GARIN1A: variants seen among roughly 807,000 people sequenced by gnomAD.
GARIN1A encodes the protein Golgi-associated RAB2 interactor protein 1A.
At chr7:128,697,215 C>G in the GARIN1A span, among the ~76,000 whole-genome samples, 1 of 152,178 alleles carries the variant, frequency 6.6e-6, no homozygotes, top group African/African-American at 2.4e-5. Flanking sequence ...ACAGGCGGCT[C>G]CTGCAGGGCA....
the GARIN1A span, among the ~76,000 whole-genome samples, chr7:128,696,711 ACTC>A: frequency 2.0e-5 from 3 of 152,106 alleles, no homozygotes; most frequent in Admixed American, 1.3e-4. Flanking sequence ...AGTGGGCAGA[ACTC>A]CACCACAGAA....
chr7:128,683,183 C>T, the GARIN1A span: 2 of 1,562,038 alleles, frequency 1.3e-6, no homozygotes, highest in Non-Finnish European at 1.7e-6. Context: ...CATGCTCTTC[C>T]TTGCATACGT....
At chr7:128,701,062 A>C in the GARIN1A span, among the ~76,000 whole-genome samples, 3 of 151,874 alleles carry the variant, frequency 2.0e-5, no homozygotes, top group Non-Finnish European at 4.4e-5. Flanking sequence ...CTTCACATGC[A>C]GCCAGTACCA....
the GARIN1A span, among the ~76,000 whole-genome samples, chr7:128,701,240 C>T: frequency 4.7e-5 from 7 of 148,392 alleles, no homozygotes; most frequent in East Asian, 1.2e-3. Context: ...AGTAAATGCT[C>T]GCTTCCACCA....
chr7:128,677,894 C>T, the GARIN1A span: 26 of 1,205,414 alleles, frequency 2.2e-5, no homozygotes, highest in Non-Finnish European at 2.7e-5. Flanking sequence ...TATATATAGA[C>T]TTGTTTCCAT....
At chr7:128,675,566 C>A in the GARIN1A span, 1 of 1,123,608 alleles carries the variant, frequency 8.9e-7, no homozygotes, top group South Asian at 1.3e-5. Flanking sequence ...AGGGCCCAGC[C>A]CAGTGTGTGC....
chr7:128,699,000 C>T, the GARIN1A span, among the ~76,000 whole-genome samples: 3 of 152,150 alleles, frequency 2.0e-5, no homozygotes, highest in African/African-American at 4.8e-5. Context: ...ATTGACTTCT[C>T]GTGAGGGCTC....
At chr7:128,702,664 A>C in the GARIN1A span, among the ~76,000 whole-genome samples, 1 of 152,250 alleles carries the variant, frequency 6.6e-6, no homozygotes, top group Non-Finnish European at 1.5e-5. Context: ...AATAGAAAAC[A>C]GTGATCAATA....
chr7:128,673,152 G>C, the GARIN1A span, among the ~76,000 whole-genome samples: 2 of 152,162 alleles, frequency 1.3e-5, no homozygotes, highest in Non-Finnish European at 2.9e-5. Flanking sequence ...TCCTGCGCAG[G>C]AGAGCATAAC....
chr7:128,703,365 T>A, the GARIN1A span, among the ~76,000 whole-genome samples: 1 of 152,114 alleles, frequency 6.6e-6, no homozygotes, highest in African/African-American at 2.4e-5. Context: ...CTGTAAATAG[T>A]AAAAGAAAGA....
At chr7:128,692,475 C>T in the GARIN1A span, among the ~76,000 whole-genome samples, 2 of 152,130 alleles carry the variant, frequency 1.3e-5, no homozygotes, top group East Asian at 3.8e-4. Flanking sequence ...ATGGCCAATA[C>T]ACACACCATT....
At chr7:128,689,874 C>T in the GARIN1A span, among the ~76,000 whole-genome samples, 1 of 150,360 alleles carries the variant, frequency 6.7e-6, no homozygotes, top group African/African-American at 2.5e-5. Context: ...AGTGAGGAGC[C>T]CCTCTGCCCG....
the GARIN1A span, among the ~76,000 whole-genome samples, chr7:128,679,199 C>CT: frequency 8.1e-4 from 118 of 144,954 alleles, no homozygotes; most frequent in South Asian, 6.5e-4. Context: ...TAAAATTAAA[C>CT]TTTTTTTTTT....
the GARIN1A span, chr7:128,684,146 G>A: frequency 6.6e-6 from 1 of 152,184 alleles, no homozygotes; most frequent in African/African-American, 2.4e-5. Context: ...GCCAAGCAAA[G>A]CCAAGAAAGC....
At chr7:128,708,733 C>A in the GARIN1A span, among the ~76,000 whole-genome samples, 2 of 152,128 alleles carry the variant, frequency 1.3e-5, no homozygotes, top group African/African-American at 4.8e-5. Flanking sequence ...CCTGACTTAA[C>A]CTCTTTCTTT....
At chr7:128,699,591 A>C in the GARIN1A span, among the ~76,000 whole-genome samples, 1 of 152,238 alleles carries the variant, frequency 6.6e-6, no homozygotes, top group Admixed American at 6.5e-5. Context: ...GCTATATGCA[A>C]TTCAGTGATT....
chr7:128,674,518 C>T, the GARIN1A span, among the ~76,000 whole-genome samples: 1 of 152,170 alleles, frequency 6.6e-6, no homozygotes, highest in Admixed American at 6.5e-5. Flanking sequence ...CCTTCCTGCA[C>T]ATCACCATCA....
At chr7:128,703,308 C>T in the GARIN1A span, among the ~76,000 whole-genome samples, 1 of 152,106 alleles carries the variant, frequency 6.6e-6, no homozygotes, top group Non-Finnish European at 1.5e-5. Flanking sequence ...AAATAAACCT[C>T]AACAAATTTC....
chr7:128,678,951 T>C, the GARIN1A span, among the ~76,000 whole-genome samples: 3 of 151,470 alleles, frequency 2.0e-5, no homozygotes, highest in African/African-American at 7.3e-5. Context: ...TATACATATG[T>C]AACAATCGTT....
Sources: gnomAD v4.1 joint callset for allele counts (sites outside exome capture counted in the v4.1 genomes callset) on GRCh38, gnomAD v4.1.1 for gene constraint, MANE v1.5 for transcripts, NCBI Gene and HGNC (gene_info 2026-07-23, HGNC 2026-07-21) for gene names.